The following CLCNKA variants were observed in gnomAD, a reference collection of about 807,000 sequenced individuals.
The protein encoded by CLCNKA is chloride channel protein ClC-Ka.
A neutral mutation model predicts 83.3 loss-of-function variants in CLCNKA; 66 were observed. That is an observed-to-expected ratio of 0.79 (90% confidence interval 0.65 to 0.97). CLCNKA has a LOEUF of 0.97. Among genes scored for constraint, CLCNKA ranks in the 50% least tolerant of loss-of-function variants. The pLI is 0.00. For synonymous variants in CLCNKA, 357 were observed against 370.4 expected, an observed-to-expected ratio of 0.96 and a Z score of 0.42; for missense variants, 806 against 888.7, an observed-to-expected ratio of 0.91 and a Z score of 1.18.
Position 16,024,748 on chromosome 1 carries a change from C to A in CLCNKA, c.230-15C>A. ...AGAGGCTGTGGGTGCCTCCCTGATACGCGGCTGTCCCCAGCACACCAGTGG... is the reference window on the plus strand; with the variant it reads ...AGAGGCTGTGGGTGCCTCCCTGATAAGCGGCTGTCCCCAGCACACCAGTGG... On this transcript the variant is annotated splice_polypyrimidine_tract_variant and intron_variant, in intron 3 of 19. Transcript: ENST00000331433. The A allele has an allele frequency of 1.2e-6, 2 of 1,613,708 alleles. No individual in the cohort carries two copies. Among genetic ancestry groups the A allele is most frequent in the Non-Finnish European group, 1.7e-6 (2 of 1,179,990 alleles).
chr1:16,027,674 A>G lies in CLCNKA; in HGVS notation c.782-147A>G, dbSNP rs536005599. On this transcript the variant is annotated intron_variant, in intron 8 of 19. Transcript: ENST00000331433. ...AGGGATGAGGCTGGGCAGGGAGGCA[A>G]GAGCCTGGTTGTGGGGGCCTGGAAT... 58 of 1,552,552 alleles carry G rather than the reference A, an allele frequency of 3.7e-5. 1 individual carries two copies. Among genetic ancestry groups the G allele is most frequent in the South Asian group, 2.4e-4 (21 of 87,240 alleles).
At chr1:16,028,177 C>T (rs12753541) in intron 10 of CLCNKA, 58 bp downstream of exon 10, 1 of 1,516,238 alleles carries the variant, frequency 6.6e-7, no homozygotes, top group South Asian at 1.1e-5. Flanking sequence ...GACTCCAGAC[C>T]TTATGTAGAA....
intron 4 of CLCNKA, 79 bp downstream of exon 4, chr1:16,024,970 G>A: frequency 1.3e-6 from 2 of 1,573,758 alleles, no homozygotes; most frequent in South Asian, 2.2e-5. Context: ...GGGGGAATCG[G>A]GAAGCTGCAG....
intron 7 of CLCNKA, 149 bp downstream of exon 7, chr1:16,026,924 CG>C: frequency 9.7e-7 from 1 of 1,034,892 alleles, no homozygotes; most frequent in Non-Finnish European, 1.4e-6. Context: ...AGCCACCCCC[CG>C]GGGGCGGCGG....
At chr1:16,028,937 C>T in intron 11 of CLCNKA, 92 bp downstream of exon 11, 1 of 1,527,100 alleles carries the variant, frequency 6.5e-7, no homozygotes, top group Non-Finnish European at 9.0e-7. Context: ...AGCACCCCAC[C>T]AGGGTGACAC....
chr1:16,028,853 G>C lies in CLCNKA; in HGVS notation c.1053+8G>C. On this transcript the variant is annotated splice_region_variant and intron_variant, in intron 11 of 19. Coordinates refer to ENST00000331433, the MANE Select transcript of CLCNKA (RefSeq NM_004070.4). ...CACTTCCTAGCTTCTCGGGTAAGGG[G>C]TCCTGAGCGGGGGTGGCAGGAGTGG... is the stretch of plus-strand genomic sequence containing the variant. 1.9e-6 allele frequency: 3 copies of C among 1,613,884 alleles called. No homozygotes were observed. Among genetic ancestry groups the C allele is most frequent in the Non-Finnish European group, 2.5e-6 (3 of 1,179,894 alleles).
chr1:16,033,219 C>T lies in CLCNKA; in HGVS notation c.1979C>T (p.Ser660Leu), dbSNP rs778719352. ...LLNLQSLFVT[S>L]RGRAVGCVSW... ...AACCTTCAGTCCCTCTTCGTGACAT[C>T]GCGGGGCAGAGCTGTGGGCTGCGTG... Residue 660 changes from serine (S) to leucine (L), a missense_variant, in exon 19 of 20, where the codon TCG (serine) becomes TTG (leucine). By Grantham distance (145) the Ser-to-Leu change is moderately radical (BLOSUM62 -2). Coordinates refer to ENST00000331433, the MANE Select transcript of CLCNKA (RefSeq NM_004070.4). The T allele has an allele frequency of 2.5e-5, 41 of 1,614,014 alleles. No homozygotes were observed. Among genetic ancestry groups the T allele is most frequent in the Non-Finnish European group, 3.1e-5 (36 of 1,180,018 alleles).
rs387907407 is a variant in CLCNKA, at chr1:16,027,408, C to T, written c.754C>T (p.Leu252Phe). Reference protein sequence around the residue: ...AATCGAFIFRLLAVFNSEQET... With the variant: ...AATCGAFIFRFLAVFNSEQET... ...CACCTGCGGGGCCTTCATATTCCGG[C>T]TCCTGGCAGTCTTCAACAGCGAGCA... The change falls in exon 8 of 20, where the codon CTC becomes TTC. Residue 252 changes from leucine to phenylalanine, a missense_variant. By Grantham distance (22) the Leu-to-Phe change is conservative. Transcript: ENST00000331433. 45 of 1,614,070 alleles carry T rather than the reference C, an allele frequency of 2.8e-5. 1 individual carries two copies. The Admixed American group carries it at 3.8e-4, about 14-fold the overall frequency.
chr1:16,031,874 G>C, intron 16 of CLCNKA, 31 bp downstream of exon 16: 6 of 1,613,282 alleles, frequency 3.7e-6, no homozygotes, highest in Non-Finnish European at 4.2e-6. Flanking sequence ...AGGAAGTCGG[G>C]GGTAGGGGAT....
At chr1:16,027,571 C>T in intron 8 of CLCNKA, 136 bp downstream of exon 8, 1 of 1,503,634 alleles carries the variant, frequency 6.7e-7, no homozygotes, top group South Asian at 1.3e-5. Flanking sequence ...GTTCCCACCT[C>T]CTTCAGGGAG....
rs766436770 is a variant in CLCNKA at position 16,027,361 on chromosome 1, A to G, written c.707A>G (p.Tyr236Cys). 1 of 1,613,706 alleles carries G rather than the reference A, an allele frequency of 6.2e-7. No homozygotes were observed. The highest frequency in any genetic ancestry group is 8.5e-7 in the Non-Finnish European group (1 of 1,179,990). Residue 236 changes from tyrosine (Y) to cysteine (C), a missense_variant, in exon 8 of 20, where the codon TAC becomes TGC. Transcript: ENST00000331433. ...VMSSHFSVRD[Y>C]WRGFFAATCG... ...TCTTCCCACTTCTCTGTCCGGGATT[A>G]CTGGAGGGGCTTCTTTGCGGCCACC...
At chr1:16,030,382 G>C (rs2022575141) in intron 14 of CLCNKA, 79 bp from the exon 15 acceptor site, 1 of 1,555,648 alleles carries the variant, frequency 6.4e-7, no homozygotes, top group Non-Finnish European at 8.8e-7. Context: ...CCCGGCAGCA[G>C]CCAGGCTAGT....
Position 16,031,803 on chromosome 1 carries a change from C to A in CLCNKA, c.1716C>A (p.Thr572=), listed in dbSNP as rs1388593631. 5 of 1,613,980 alleles carry A rather than the reference C, an allele frequency of 3.1e-6. No individual in the cohort carries two copies. In the South Asian group the frequency reaches 5.5e-5, roughly 18 times the overall value. ...TGGAGGAGGTGGTCAAGGTTGTGACCTCCACAGACGTGACCGAGTATCCCC... is the reference window on the plus strand; with the variant it reads ...TGGAGGAGGTGGTCAAGGTTGTGACATCCACAGACGTGACCGAGTATCCCC... The part of the protein sequence containing the change: ...TPLEEVVKVV[T]STDVTEYPLV... The change falls in exon 16 of 20, where the codon ACC becomes ACA. Residue 572 remains threonine (T), a synonymous_variant. Transcript: ENST00000331433.
rs980297654 is a variant in CLCNKA at position 16,023,947 on chromosome 1, G to A, written c.229+19G>A. Reference sequence around the variant, plus strand: ...GTCCGAGGTAACTCTTCCCTGGCAGGTGCTGCTCTGGGCCAAGGGATTCTA... The same window carrying A: ...GTCCGAGGTAACTCTTCCCTGGCAGATGCTGCTCTGGGCCAAGGGATTCTA... On this transcript the variant is annotated intron_variant, in intron 3 of 19. Transcript: ENST00000331433. The A allele has an allele frequency of 6.2e-7, 1 of 1,613,586 alleles. No homozygotes were observed. Among genetic ancestry groups the A allele is most frequent in the African/African-American group, 1.3e-5 (1 of 74,916 alleles).
intron 12 of CLCNKA, 84 bp downstream of exon 12, chr1:16,029,383 G>T: frequency 1.3e-6 from 2 of 1,592,784 alleles, no homozygotes; most frequent in East Asian, 4.5e-5. Context: ...GCACCTGGTG[G>T]CATGGAGCCC....
At chr1:16,025,378 G>A (rs879307315) in intron 4 of CLCNKA, among the ~76,000 whole-genome samples, 4 of 152,216 alleles carry the variant, frequency 2.6e-5, no homozygotes, top group Admixed American at 2.6e-4. Context: ...AGGGTTCTGC[G>A]TGATCATAAT....
At chr1:16,026,978 G>C in intron 7 of CLCNKA, 1 of 697,022 alleles carries the variant, frequency 1.4e-6, no homozygotes, top group Non-Finnish European at 2.4e-6. Context: ...GGTGCTGAGA[G>C]GCTTCAGGAT....
rs1031861396 is a variant in CLCNKA, at chr1:16,033,098, G to C, written c.1930-72G>C. ...CCGCCCCTCTTCCTGGCTCAGAGGC[G>C]TGGCAGAGTGGGCCAGAGGGTGGGC... On this transcript the variant is annotated intron_variant, in intron 18 of 19. Coordinates refer to ENST00000331433, the MANE Select transcript of CLCNKA (RefSeq NM_004070.4). The C allele has an allele frequency of 2.7e-6, 4 of 1,490,308 alleles. No homozygotes were observed. In the Admixed American group the frequency reaches 5.0e-5, roughly 19 times the overall value. 92.3% of individuals were successfully genotyped at this position (1,490,308 alleles called of 1,614,324 possible).
In CLCNKA at chr1:16,028,095, A is replaced by G. The variant is rs12126269; in HGVS notation, c.944A>G (p.Tyr315Cys). 6 of 1,613,898 alleles carry G rather than the reference A, an allele frequency of 3.7e-6. No homozygotes were observed. Among genetic ancestry groups the G allele is most frequent in the Admixed American group, 3.3e-5 (2 of 60,012 alleles). Residue 315 changes from tyrosine to cysteine, a missense_variant, in exon 10 of 20, where the codon TAC becomes TGC. Transcript: ENST00000331433. Reference sequence around the variant, plus strand: ...CTCAGCTTCATCAAGACCAATCGGTACAGCTCCAAACTGCTGGCTACTAGG... The same window carrying G: ...CTCAGCTTCATCAAGACCAATCGGTGCAGCTCCAAACTGCTGGCTACTAGG... ...TFLSFIKTNR[Y>C]SSKLLATSKP...
Sources: allele counts gnomAD v4.1 joint callset (sites outside exome capture counted in the v4.1 genomes callset), GRCh38; gene constraint gnomAD v4.1.1; transcripts MANE v1.5; gene names NCBI Gene and HGNC (gene_info 2026-07-23, HGNC 2026-07-21).